Variants in FRAS1 observed in about 807,000 individuals in gnomAD.
FRAS1 encodes the protein Fraser extracellular matrix complex subunit 1, also known as extracellular matrix organizing protein FRAS1.
A neutral mutation model predicts 435.2 loss-of-function variants in FRAS1; 290 were observed. The observed-to-expected ratio is 0.67, with a 90% CI of 0.61 to 0.73. FRAS1 has a LOEUF of 0.73. Ranked by LOEUF, FRAS1 falls within the 30% of genes least tolerant of loss-of-function variation. The probability of loss-of-function intolerance (pLI) is 0.00; values close to 1 mark genes in which losing one functional copy is unlikely to be tolerated. For missense variants in FRAS1, 4,860 were observed against 5,001.5 expected (o/e 0.97, Z 0.85); for synonymous variants, 1,800 against 1,851.0 (o/e 0.97, Z 0.71).
At chr4:78,510,890 ACAT>A (rs1454236629) in intron 63 of FRAS1, among the ~76,000 whole-genome samples, 5 of 152,232 alleles carry the variant, frequency 3.3e-5, no homozygotes, top group Non-Finnish European at 7.3e-5. Context: ...CTGTCTCCTG[ACAT>A]CATGCTCTCA....
chr4:78,343,734 CAG>C (rs770732938), intron 20 of FRAS1, among the ~76,000 whole-genome samples: 20 of 152,226 alleles, frequency 1.3e-4, no homozygotes, highest in Middle Eastern at 3.4e-3. Flanking sequence ...CACTGAATAA[CAG>C]GGGGGAAAAC....
chr4:78,432,196 G>T (rs546047166), intron 37 of FRAS1, among the ~76,000 whole-genome samples, 161 bp from the exon 38 acceptor site: 1 of 152,292 alleles, frequency 6.6e-6, no homozygotes, highest in African/African-American at 2.4e-5. Context: ...TTCAACGGTG[G>T]TGTAAAGGGA....
intron 32 of FRAS1, 60 bp downstream of exon 32, chr4:78,413,145 G>C (rs1302688803): frequency 2.1e-6 from 2 of 967,956 alleles, no homozygotes; most frequent in African/African-American, 1.7e-5. Flanking sequence ...ACGCTGATGG[G>C]ATTTGATAGA....
intron 2 of FRAS1, among the ~76,000 whole-genome samples, chr4:78,220,293 AT>A (rs1421573227): frequency 5.9e-5 from 9 of 152,346 alleles, no homozygotes; most frequent in African/African-American, 2.2e-4. Flanking sequence ...TGGATTTTAC[AT>A]TTTTAAATGG....
In FRAS1 at chr4:78,489,058, T is replaced by G. The variant is rs770679036; in HGVS notation, c.8936T>G (p.Ile2979Ser). 6.2e-7 allele frequency: 1 copy of G among 1,613,186 alleles called. No individual in the cohort carries two copies. The highest frequency in any genetic ancestry group is 1.7e-5 in the Admixed American group (1 of 59,976). ...EERQNADSSR[I>S]TFLKGDKVKN... Reference sequence around the variant, plus strand: ...AGACAAAATGCAGACTCTTCACGGATTACATTTCTCAAAGGGGACAAAGTA... The same window carrying G: ...AGACAAAATGCAGACTCTTCACGGAGTACATTTCTCAAAGGGGACAAAGTA... The change falls in exon 59 of 74, where the codon ATT becomes AGT. Residue 2979 changes from isoleucine to serine, a missense_variant. Transcript: ENST00000512123.
intron 58 of FRAS1, among the ~76,000 whole-genome samples, chr4:78,484,932 A>G (rs1213673410): frequency 6.6e-6 from 1 of 152,242 alleles, no homozygotes; most frequent in Non-Finnish European, 1.5e-5. Flanking sequence ...TTTATTTCTT[A>G]GTAAAGAGGA....
intron 2 of FRAS1, among the ~76,000 whole-genome samples, chr4:78,115,815 G>T (rs11942061): frequency 0.55 from 83,141 of 150,962 alleles, 24,650 homozygotes; most frequent in Non-Finnish European, 0.67. Context: ...AGTTTTTTTT[G>T]TGTGTCTATT....
At chr4:78,475,700 C>A in intron 54 of FRAS1, 94 bp downstream of exon 54, 1 of 1,236,808 alleles carries the variant, frequency 8.1e-7, no homozygotes, top group Non-Finnish European at 1.1e-6. Flanking sequence ...CCCAACTTTG[C>A]TTTTCACTGG....
intron 2 of FRAS1, among the ~76,000 whole-genome samples, chr4:78,075,477 C>A (rs998221448): frequency 2.6e-5 from 4 of 152,054 alleles, no homozygotes; most frequent in Admixed American, 6.6e-5. Context: ...AGCAGTCGAC[C>A]CAATACCCTA....
At position 78,511,456 on chromosome 4, in the gene FRAS1, C is replaced by T; in HGVS notation, c.9963C>T (p.Phe3321=). 6.2e-7 allele frequency: 1 copy of T among 1,613,896 alleles called. No homozygotes were observed. The highest frequency in any genetic ancestry group is 8.5e-7 in the Non-Finnish European group (1 of 1,179,856). The stretch of plus-strand genomic sequence containing the variant: ...CCAGAGGCTTCCAGGCTCAGTCCTT[C>T]ATCGCAACCTTGAAATACCTGGATG... ...GTSRGFQAQS[F]IATLKYLDVK... Residue 3321 remains phenylalanine (F), a synonymous_variant, in exon 64 of 74, where the codon TTC becomes TTT. Coordinates refer to ENST00000512123, the MANE Select transcript of FRAS1 (RefSeq NM_025074.7).
chr4:78,295,917 A>AT (rs945664962), intron 14 of FRAS1, among the ~76,000 whole-genome samples: 4 of 150,506 alleles, frequency 2.7e-5, no homozygotes, highest in African/African-American at 7.3e-5. Context: ...GGCTAATTTT[A>AT]TTTTTTTGTA....
rs1197926202 is a variant in FRAS1 at position 78,422,743 on chromosome 4, A to C, written c.4678+743A>C. ...CCAGTGGAAGTTTTCAGGTATAGGG[A>C]ACTAGGGAATGGCTTTTCAAAAGAA... On this transcript the variant is annotated intron_variant, in intron 34 of 73. Coordinates refer to ENST00000512123, the MANE Select transcript of FRAS1 (RefSeq NM_025074.7). Among the ~76,000 whole-genome samples, 3 of 152,264 alleles carry C rather than the reference A, an allele frequency of 2.0e-5. No individual in the cohort carries two copies. In the East Asian group the frequency reaches 5.8e-4, roughly 29 times the overall value.
chr4:78,200,098 A>G (rs998404343), intron 2 of FRAS1, among the ~76,000 whole-genome samples: 1 of 152,186 alleles, frequency 6.6e-6, no homozygotes, highest in Non-Finnish European at 1.5e-5. Context: ...CTGCTCATTC[A>G]ATGTGAAGCA....
At chr4:78,194,666 C>T (rs1459155910) in intron 2 of FRAS1, among the ~76,000 whole-genome samples, 1 of 152,042 alleles carries the variant, frequency 6.6e-6, no homozygotes, top group Non-Finnish European at 1.5e-5. Flanking sequence ...TCTGGTTAGC[C>T]ATTCATCTAG....
rs1219621507 is a variant in FRAS1 at position 78,541,216 on chromosome 4, GA to G, written c.*96del. The G allele has an allele frequency of 1.3e-6, 1 of 771,378 alleles. No individual in the cohort carries two copies. The highest frequency in any genetic ancestry group is 1.9e-6 in the Non-Finnish European group (1 of 538,380). The allele number at this position is 771,378 out of a possible 1,614,324, so 47.8% of individuals were successfully genotyped here. ...TTTATAATCTCGCAGATAAAAAAGG[GA>G]AAACTATAGCTTTGAGTGGCAGACA... On this transcript the variant is annotated 3_prime_UTR_variant, in exon 74 of 74. Coordinates refer to ENST00000512123, the MANE Select transcript of FRAS1 (RefSeq NM_025074.7).
chr4:78,424,321 G>T, intron 34 of FRAS1, 67 bp from the exon 35 acceptor site: 1 of 805,300 alleles, frequency 1.2e-6, no homozygotes, highest in South Asian at 2.2e-5. Flanking sequence ...CCTTTGTTTT[G>T]TACCTTTCCT....
At chr4:78,118,863 C>T (rs1718834046) in intron 2 of FRAS1, among the ~76,000 whole-genome samples, 1 of 152,166 alleles carries the variant, frequency 6.6e-6, no homozygotes. Context: ...TGAGATGCAC[C>T]CAGTACCTCA....
At chr4:78,272,465 A>G (rs1254676327) in intron 9 of FRAS1, among the ~76,000 whole-genome samples, 1 of 152,176 alleles carries the variant, frequency 6.6e-6, no homozygotes, top group East Asian at 1.9e-4. Flanking sequence ...TAAGTCTTTA[A>G]TCCATCTTGA....
At chr4:78,286,831 TATC>T (rs1336226947) in intron 14 of FRAS1, among the ~76,000 whole-genome samples, 1 of 152,254 alleles carries the variant, frequency 6.6e-6, no homozygotes, top group East Asian at 1.9e-4. Flanking sequence ...AAATTCTTAA[TATC>T]ATAATAGTCT....
Sources: allele counts gnomAD v4.1 joint callset (sites outside exome capture counted in the v4.1 genomes callset), GRCh38; gene constraint gnomAD v4.1.1; transcripts MANE v1.5; gene names NCBI Gene and HGNC (gene_info 2026-07-23, HGNC 2026-07-21).